Variants in CDKAL1 observed in about 807,000 individuals in gnomAD.
The protein encoded by CDKAL1 is threonylcarbamoyladenosine tRNA methylthiotransferase.
In CDKAL1, 32 loss-of-function variants were observed where a neutral mutation model predicts 68.2. The ratio of observed to expected loss-of-function variants is 0.47; its 90% CI spans 0.35 to 0.63. CDKAL1 has a LOEUF of 0.63. Among genes scored for constraint, CDKAL1 ranks in the 30% least tolerant of loss-of-function variants. The pLI, the probability that CDKAL1 is intolerant of heterozygous loss-of-function variation, is 0.00. For missense variants in CDKAL1, 606 were observed against 696.7 expected (o/e 0.87, Z 1.47); for synonymous variants, 234 against 244.3 (o/e 0.96, Z 0.39).
At chr6:21,204,561 T>C (rs1309916771) in intron 15 of CDKAL1, among the ~76,000 whole-genome samples, 1 of 152,198 alleles carries the variant, frequency 6.6e-6, no homozygotes, top group African/African-American at 2.4e-5. Context: ...ATGGCGTGCT[T>C]ATCGTAGCCA....
intron 9 of CDKAL1, among the ~76,000 whole-genome samples, chr6:20,847,896 G>C (rs1422121920): frequency 1.3e-5 from 2 of 152,216 alleles, no homozygotes; most frequent in Non-Finnish European, 2.9e-5. Flanking sequence ...ACACTCCACA[G>C]TGTGGGAGCA....
chr6:20,782,930 AT>A (rs910094685), intron 8 of CDKAL1, among the ~76,000 whole-genome samples: 2 of 151,318 alleles, frequency 1.3e-5, no homozygotes, highest in African/African-American at 4.9e-5. Context: ...AAAAATGCAG[AT>A]TTTTTTTTCT....
At chr6:20,630,649 A>G (rs554550477) in intron 4 of CDKAL1, among the ~76,000 whole-genome samples, 7 of 152,224 alleles carry the variant, frequency 4.6e-5, no homozygotes, top group Non-Finnish European at 7.3e-5. Context: ...TTTCAAAGAA[A>G]TAATCCCTGA....
intron 13 of CDKAL1, among the ~76,000 whole-genome samples, chr6:21,194,353 A>C (rs1778382132): frequency 6.6e-6 from 1 of 152,184 alleles, no homozygotes; most frequent in African/African-American, 2.4e-5. Flanking sequence ...TTCAGCTGTT[A>C]GGCAAGGATC....
intron 5 of CDKAL1, among the ~76,000 whole-genome samples, chr6:20,708,432 T>C (rs1419317463): frequency 6.6e-6 from 1 of 152,364 alleles, no homozygotes; most frequent in Admixed American, 6.5e-5. Context: ...CTTGCCTGCC[T>C]GGGCAGCTTA....
intron 5 of CDKAL1, among the ~76,000 whole-genome samples, chr6:20,664,949 A>G (rs1769457281): frequency 6.6e-6 from 1 of 152,052 alleles, no homozygotes; most frequent in African/African-American, 2.4e-5. Context: ...CGATCCCCTC[A>G]TTGTCACACT....
At chr6:20,920,041 G>T (rs4712565) in intron 9 of CDKAL1, among the ~76,000 whole-genome samples, 92,226 of 151,886 alleles carry the variant, frequency 0.61, 28,103 homozygotes, top group African/African-American at 0.66. Flanking sequence ...CCTATTTTGT[G>T]CTGGATTGGG....
At chr6:20,774,093 G>A (rs1182229771) in intron 7 of CDKAL1, among the ~76,000 whole-genome samples, 1 of 152,158 alleles carries the variant, frequency 6.6e-6, no homozygotes, top group Non-Finnish European at 1.5e-5. Context: ...CCTCTCTGGT[G>A]GTAGTGGAGG....
chr6:20,699,113 A>G (rs778282787), intron 5 of CDKAL1, among the ~76,000 whole-genome samples: 21 of 151,620 alleles, frequency 1.4e-4, no homozygotes, highest in Non-Finnish European at 1.6e-4. Context: ...TTGCATTAGG[A>G]TTTATGTTTT....
chr6:21,153,104 A>G (rs908160068), intron 13 of CDKAL1, among the ~76,000 whole-genome samples: 4 of 152,152 alleles, frequency 2.6e-5, no homozygotes, highest in African/African-American at 7.2e-5. Flanking sequence ...TTAGATATAT[A>G]TGATTTAGTA....
At chr6:20,956,060 T>C (rs1175371195) in intron 10 of CDKAL1, among the ~76,000 whole-genome samples, 5 of 152,078 alleles carry the variant, frequency 3.3e-5, no homozygotes, top group Admixed American at 1.3e-4. Context: ...TACATAGGGG[T>C]GAAGTTGAAT....
At chr6:20,660,818 C>G (rs1235936772) in intron 5 of CDKAL1, among the ~76,000 whole-genome samples, 2 of 152,094 alleles carry the variant, frequency 1.3e-5, no homozygotes, top group African/African-American at 4.8e-5. Flanking sequence ...GTCATTGCAT[C>G]AAGTCATCGT....
chr6:20,665,463 A>G (rs1395052501), intron 5 of CDKAL1, among the ~76,000 whole-genome samples: 1 of 152,142 alleles, frequency 6.6e-6, no homozygotes, highest in Non-Finnish European at 1.5e-5. Context: ...ATGCAGTCTG[A>G]TATGTGTGTA....
intron 12 of CDKAL1, among the ~76,000 whole-genome samples, chr6:21,067,862 C>T (rs552999541): frequency 3.9e-5 from 6 of 152,158 alleles, no homozygotes; most frequent in Non-Finnish European, 7.4e-5. Flanking sequence ...ATATTCTTAC[C>T]AGCTCTTGGT....
chr6:20,740,932 G>A (rs942752500), intron 6 of CDKAL1, among the ~76,000 whole-genome samples: 1 of 152,118 alleles, frequency 6.6e-6, no homozygotes, highest in Admixed American at 6.5e-5. Flanking sequence ...TGCTGTGGTA[G>A]GGAAATAGGA....
chr6:21,208,817 A>G (rs1779037778), intron 15 of CDKAL1, among the ~76,000 whole-genome samples: 1 of 152,138 alleles, frequency 6.6e-6, no homozygotes, highest in Non-Finnish European at 1.5e-5. Flanking sequence ...GCTGAGCTAT[A>G]TTTTATTGAC....
At chr6:20,769,501 T>A (rs1774847018) in intron 7 of CDKAL1, among the ~76,000 whole-genome samples, 1 of 151,956 alleles carries the variant, frequency 6.6e-6, no homozygotes, top group Non-Finnish European at 1.5e-5. Flanking sequence ...TCATGTGATC[T>A]CCCCCGCCTT....
intron 5 of CDKAL1, among the ~76,000 whole-genome samples, chr6:20,659,909 C>G (rs1385877885): frequency 1.3e-5 from 2 of 152,114 alleles, no homozygotes; most frequent in African/African-American, 4.8e-5. Context: ...TACCTCTTTT[C>G]TTGCCACTGG....
chr6:20,926,974 A>G (rs912312441), intron 9 of CDKAL1, among the ~76,000 whole-genome samples: 1 of 150,508 alleles, frequency 6.6e-6, no homozygotes, highest in Non-Finnish European at 1.5e-5. Flanking sequence ...GGCTCTATAG[A>G]GTTAGTCACC....
Sources: allele counts gnomAD v4.1 joint callset (sites outside exome capture counted in the v4.1 genomes callset), GRCh38; gene constraint gnomAD v4.1.1; transcripts MANE v1.5; gene names NCBI Gene and HGNC (gene_info 2026-07-23, HGNC 2026-07-21).